ADAMTS15: variants seen among roughly 807,000 people sequenced by gnomAD.
ADAMTS15 encodes ADAM metallopeptidase with thrombospondin type 1 motif 15.
ADAMTS15 carries 35 observed loss-of-function variants against 79.1 expected under a neutral mutation model. The observed-to-expected ratio is 0.44, with a 90% CI of 0.34 to 0.59. The LOEUF (loss-of-function observed/expected upper bound fraction) is 0.59, where lower values mean the gene tolerates loss of function less well. Ranked by LOEUF, ADAMTS15 falls within the 20% of genes least tolerant of loss-of-function variation. The probability of loss-of-function intolerance (pLI) is 0.02; values close to 1 mark genes in which losing one functional copy is unlikely to be tolerated. For missense variants in ADAMTS15, 1,324 were observed against 1,318.7 expected (o/e 1.00, Z -0.06); for synonymous variants, 616 against 567.3 (o/e 1.09, Z -1.22).
rs1201075971 is a variant in ADAMTS15 at position 130,462,057 on chromosome 11, C to A, written c.1091-30C>A. Reference sequence around the variant, plus strand: ...TCCAACCCCCATGTCCTTCCTCCTGCCCTCTCAGTCCTCTTGCCTTACCCC... The same window carrying A: ...TCCAACCCCCATGTCCTTCCTCCTGACCTCTCAGTCCTCTTGCCTTACCCC... On this transcript the variant is annotated intron_variant, in intron 2 of 7. Coordinates refer to ENST00000299164, the MANE Select transcript of ADAMTS15 (RefSeq NM_139055.4). The surrounding 1 kb of genome is among the most constrained non-coding windows in gnomAD (Gnocchi z 4.3). 1.9e-6 allele frequency: 3 copies of A among 1,595,448 alleles called. No homozygotes were observed. Among genetic ancestry groups the A allele is most frequent in the South Asian group, 1.1e-5 (1 of 88,896 alleles).
At position 130,449,859 on chromosome 11, in the gene ADAMTS15, C is replaced by T. The variant is rs766086807; in HGVS notation, c.886C>T (p.Gln296Ter). 1 of 1,605,840 alleles carries T rather than the reference C, an allele frequency of 6.2e-7. No homozygotes were observed. Among genetic ancestry groups the T allele is most frequent in the Non-Finnish European group, 8.5e-7 (1 of 1,180,000 alleles). ...GACGCTGCGCAACTTCTGTGCCTGG[C>T]AGAAGAAGCTGAACAAAGTGAGTGA... is the stretch of plus-strand genomic sequence containing the variant. ...ALTLRNFCAWQKKLNKVSDKH... is the reference protein window; with the variant it reads ...ALTLRNFCAW Residue 296 changes from glutamine to a stop codon, truncating the protein, a stop_gained, in exon 1 of 8, where the codon CAG becomes TAG. Coordinates refer to ENST00000299164, the MANE Select transcript of ADAMTS15 (RefSeq NM_139055.4). LOFTEE classifies it high-confidence loss of function. This position sits in a 1 kb window ranked among gnomAD's most constrained non-coding sequence, Gnocchi z 7.8.
chr11:130,473,729 G>A lies in ADAMTS15; in HGVS notation c.2761G>A (p.Val921Met), dbSNP rs750702716. 6.9e-6 allele frequency: 11 copies of A among 1,599,798 alleles called. No individual in the cohort carries two copies. In the Admixed American group the frequency reaches 1.8e-4, roughly 27 times the overall value. The change falls in exon 8 of 8, where the codon GTG (valine) becomes ATG (methionine). Residue 921 changes from valine to methionine, a missense_variant. Transcript: ENST00000299164. ...ATTTCAGAGGCGCTCACTCAAGTGTGTGGGCCACGGAGGCCGGCTGCTGGC... is the reference window on the plus strand; with the variant it reads ...ATTTCAGAGGCGCTCACTCAAGTGTATGGGCCACGGAGGCCGGCTGCTGGC... ...RGFQRRSLKC[V>M]GHGGRLLARD...
intron 1 of ADAMTS15, chr11:130,450,237 G>C (rs969224147): frequency 1.5e-4 from 146 of 985,350 alleles, no homozygotes; most frequent in Non-Finnish European, 1.7e-4. Flanking sequence ...TGCCGCCCCG[G>C]AGCTGCAGTT....
chr11:130,470,862 C>A, intron 5 of ADAMTS15, 58 bp from the exon 6 acceptor site: 1 of 1,557,794 alleles, frequency 6.4e-7, no homozygotes. Flanking sequence ...GAGGCTTGTC[C>A]TTTGCACCGG....
At position 130,462,042 on chromosome 11, in the gene ADAMTS15, A is replaced by T; in HGVS notation, c.1091-45A>T. On this transcript the variant is annotated intron_variant, in intron 2 of 7. Coordinates refer to ENST00000299164, the MANE Select transcript of ADAMTS15 (RefSeq NM_139055.4). The surrounding 1 kb of genome is among the most constrained non-coding windows in gnomAD (Gnocchi z 4.3). Reference sequence around the variant, plus strand: ...TGCCCCATTCCTCCCTCCAACCCCCATGTCCTTCCTCCTGCCCTCTCAGTC... The same window carrying T: ...TGCCCCATTCCTCCCTCCAACCCCCTTGTCCTTCCTCCTGCCCTCTCAGTC... The T allele has an allele frequency of 7.1e-7, 1 of 1,415,940 alleles. No homozygotes were observed. Among genetic ancestry groups the T allele is most frequent in the South Asian group, 1.2e-5 (1 of 82,338 alleles). The allele number at this position is 1,415,940 out of a possible 1,614,324, so 87.7% of individuals were successfully genotyped here.
At chr11:130,465,210 C>A (rs1480315600) in intron 4 of ADAMTS15, among the ~76,000 whole-genome samples, 1 of 152,054 alleles carries the variant, frequency 6.6e-6, no homozygotes, top group Non-Finnish European at 1.5e-5. Flanking sequence ...GGGGAAAAAA[C>A]CAAGTAATCA....
In ADAMTS15 at chr11:130,470,178, ATATGTGTG is replaced by A. The variant is rs1320887411; in HGVS notation, c.1721-738_1721-731del. 6.0e-4 allele frequency among the ~76,000 whole-genome samples: 31 copies of A among 51,530 alleles called. 1 individual carries two copies. The highest frequency in any genetic ancestry group is 1.9e-3 in the African/African-American group (16 of 8,434). The allele number at this position is 51,530 out of a possible 152,430, so 33.8% of individuals were successfully genotyped here. ...TGTATATATATATATATATATATATATATGTGTGTATATATATATATATATATATATGT... is the reference window on the plus strand; with the variant it reads ...TGTATATATATATATATATATATATATATATATATATATATATATATATGT... On this transcript the variant is annotated intron_variant, in intron 5 of 7. Coordinates refer to ENST00000299164, the MANE Select transcript of ADAMTS15 (RefSeq NM_139055.4).
At chr11:130,457,369 T>C (rs1057291327) in intron 1 of ADAMTS15, among the ~76,000 whole-genome samples, 13 of 152,012 alleles carry the variant, frequency 8.6e-5, no homozygotes, top group African/African-American at 3.1e-4. Context: ...TGGCAGCTGG[T>C]GGGAATCGTG....
At position 130,462,905 on chromosome 11, in the gene ADAMTS15, G is replaced by A; in HGVS notation, c.1542+125G>A. On this transcript the variant is annotated intron_variant, in intron 4 of 7. Transcript: ENST00000299164. This position sits in a 1 kb window ranked among gnomAD's most constrained non-coding sequence, Gnocchi z 4.3. ...ACAGACTGGCCACGGGACCAGCACTGTTGCATGGCTGAGCTGTGCCTTCAC... is the reference window on the plus strand; with the variant it reads ...ACAGACTGGCCACGGGACCAGCACTATTGCATGGCTGAGCTGTGCCTTCAC... 2 of 1,312,406 alleles carry A rather than the reference G, an allele frequency of 1.5e-6. No homozygotes were observed. Among genetic ancestry groups the A allele is most frequent in the South Asian group, 3.0e-5 (2 of 65,926 alleles). 81.3% of individuals were successfully genotyped at this position (1,312,406 alleles called of 1,614,324 possible).
At chr11:130,450,429 T>C in intron 1 of ADAMTS15, 1 of 985,426 alleles carries the variant, frequency 1.0e-6, no homozygotes, top group Non-Finnish European at 1.2e-6. Flanking sequence ...TAACACGTTG[T>C]CCCCTCTCTG....
intron 1 of ADAMTS15, among the ~76,000 whole-genome samples, chr11:130,451,757 T>G (rs1237460121): frequency 6.6e-6 from 1 of 152,132 alleles, no homozygotes; most frequent in Non-Finnish European, 1.5e-5. Flanking sequence ...GAACTCCTGC[T>G]GGGAATAGGG....
At chr11:130,455,094 T>C (rs1938049267) in intron 1 of ADAMTS15, among the ~76,000 whole-genome samples, 1 of 152,164 alleles carries the variant, frequency 6.6e-6, no homozygotes, top group African/African-American at 2.4e-5. Flanking sequence ...GAGTCAGCTA[T>C]GTGCACTTAA....
chr11:130,458,924 C>T (rs1938143711), intron 1 of ADAMTS15, among the ~76,000 whole-genome samples: 1 of 152,148 alleles, frequency 6.6e-6, no homozygotes, highest in Non-Finnish European at 1.5e-5. Flanking sequence ...TTCATCCCTG[C>T]CCTCATCTTG....
At position 130,462,741 on chromosome 11, in the gene ADAMTS15, AG is replaced by A. The variant is rs753632481; in HGVS notation, c.1507del (p.Ala503ProfsTer56). 3 of 1,604,724 alleles carry A rather than the reference AG, an allele frequency of 1.9e-6. No homozygotes were observed. In the South Asian group the frequency reaches 3.3e-5, roughly 18 times the overall value. On this transcript the variant is annotated frameshift_variant, in exon 4 of 8. Transcript: ENST00000299164. LOFTEE classifies it high-confidence loss of function. This position sits in a 1 kb window ranked among gnomAD's most constrained non-coding sequence, Gnocchi z 4.3. ...SCGEGKLCLK[G>X]ACVERHNLNK... Reference sequence around the variant, plus strand: ...GTGGCGAGGGCAAGCTCTGCCTCAAAGGGGCCTGCGTGGAGAGACACAACCT... The same window carrying A: ...GTGGCGAGGGCAAGCTCTGCCTCAAAGGGCCTGCGTGGAGAGACACAACCT...
rs558970863 is a variant in ADAMTS15, at chr11:130,461,384, T to A, written c.958-105T>A. On this transcript the variant is annotated intron_variant, in intron 1 of 7. Transcript: ENST00000299164. ...GGTGCTGGGCCTGGTGAGGTTGGAATGAGATGAGCTGGAATGTCCTATAGG... is the reference window on the plus strand; with the variant it reads ...GGTGCTGGGCCTGGTGAGGTTGGAAAGAGATGAGCTGGAATGTCCTATAGG... The A allele has an allele frequency of 3.2e-5, 47 of 1,490,218 alleles. No homozygotes were observed. In the African/African-American group the frequency reaches 4.5e-4, roughly 14 times the overall value. 92.3% of individuals were successfully genotyped at this position (1,490,218 alleles called of 1,614,324 possible). A position where few individuals can be genotyped will look rare whatever the true frequency, so the allele number is the denominator to read the frequency against.
intron 1 of ADAMTS15, among the ~76,000 whole-genome samples, chr11:130,456,843 G>A (rs987848139): frequency 4.6e-5 from 7 of 152,200 alleles, no homozygotes; most frequent in African/African-American, 1.2e-4. Context: ...ATGCTGTGAT[G>A]TAGCCGCAGA....
At chr11:130,451,981 A>G (rs10894201) in intron 1 of ADAMTS15, among the ~76,000 whole-genome samples, 81,303 of 152,036 alleles carry the variant, frequency 0.53, 22,940 homozygotes, top group African/African-American at 0.72. Context: ...GAGCAAAGCT[A>G]GAGAGTGAGG....
At position 130,448,754 on chromosome 11, in the gene ADAMTS15, C is replaced by T. The variant is rs2059350179; in HGVS notation, c.-220C>T. ...AGCGATTGTACTTAAGCTCCCAGGGCGCGCTTTGCTTGGAAAGGCACAGGT... is the reference window on the plus strand; with the variant it reads ...AGCGATTGTACTTAAGCTCCCAGGGTGCGCTTTGCTTGGAAAGGCACAGGT... On this transcript the variant is annotated 5_prime_UTR_variant, in exon 1 of 8. Transcript: ENST00000299164. Among the ~76,000 whole-genome samples, 1 of 152,228 alleles carries T rather than the reference C, an allele frequency of 6.6e-6. No individual in the cohort carries two copies. The highest frequency in any genetic ancestry group is 1.5e-5 in the Non-Finnish European group (1 of 68,038).
Position 130,471,331 on chromosome 11 carries a change from G to C in ADAMTS15, c.2026G>C (p.Gly676Arg), listed in dbSNP as rs1198595122. 3 of 1,612,592 alleles carry C rather than the reference G, an allele frequency of 1.9e-6. No homozygotes were observed. Among genetic ancestry groups the C allele is most frequent in the Non-Finnish European group, 2.5e-6 (3 of 1,179,704 alleles). The change falls in exon 7 of 8, where the codon GGG becomes CGG. Residue 676 changes from glycine (G) to arginine (R), a missense_variant. Transcript: ENST00000299164. ...KKRFDKCGVC[G>R]GDNKSCKKVT... ...GAGATTCGACAAGTGTGGGGTGTGT[G>C]GGGGAGACAATAAGAGCTGCAAGAA...
Sources: allele counts gnomAD v4.1 joint callset (sites outside exome capture counted in the v4.1 genomes callset), GRCh38; gene constraint gnomAD v4.1.1; non-coding constraint Gnocchi (gnomAD v3.1); transcripts MANE v1.5; gene names NCBI Gene and HGNC (gene_info 2026-07-23, HGNC 2026-07-21).